The following LGR4 variants were observed in gnomAD, a reference collection of about 807,000 sequenced individuals.
LGR4 encodes the protein leucine-rich repeat-containing G protein-coupled receptor 4.
Under a neutral mutation model 84.8 loss-of-function variants are expected in LGR4, and 44 were observed. The ratio of observed to expected loss-of-function variants is 0.52; its 90% CI spans 0.41 to 0.67. The LOEUF (loss-of-function observed/expected upper bound fraction) is 0.67. Among genes scored for constraint, LGR4 ranks in the 30% least tolerant of loss-of-function variants. LGR4 has a pLI of 0.00. For synonymous variants in LGR4, 429 were observed against 434.3 expected (o/e 0.99, Z 0.15); for missense variants, 1,032 against 1,131.4 (o/e 0.91, Z 1.26).
chr11:27,382,332 A>G lies in LGR4; in HGVS notation c.690-76T>C, dbSNP rs543937241. 2.5e-4 allele frequency: 238 copies of G among 965,112 alleles called. 3 individuals are homozygous for G. Among genetic ancestry groups the G allele is most frequent in the South Asian group, 1.7e-3 (124 of 71,966 alleles). 59.8% of individuals were successfully genotyped at this position (965,112 alleles called of 1,614,324 possible). Reference sequence around the variant, plus strand: ...TTCATAAGGCATTTTGTTACAGACAAGTATTTTTTTAAATCATATCCTCTG... The same window carrying G: ...TTCATAAGGCATTTTGTTACAGACAGGTATTTTTTTAAATCATATCCTCTG... On this transcript the variant is annotated intron_variant, in intron 6 of 17. Coordinates refer to ENST00000379214, the MANE Select transcript of LGR4 (RefSeq NM_018490.5).
chr11:27,383,556 G>C (rs1305578061), intron 6 of LGR4, among the ~76,000 whole-genome samples: 2 of 152,066 alleles, frequency 1.3e-5, no homozygotes, highest in Non-Finnish European at 2.9e-5. Flanking sequence ...AAATAATAGA[G>C]TCCTAAAAGA....
At chr11:27,461,555 G>C (rs1034803379) in intron 1 of LGR4, among the ~76,000 whole-genome samples, 2 of 151,916 alleles carry the variant, frequency 1.3e-5, no homozygotes, top group Non-Finnish European at 2.9e-5. Context: ...CAGGCCCCAT[G>C]CAGCCTAGGA....
intron 1 of LGR4, among the ~76,000 whole-genome samples, chr11:27,467,776 G>A (rs534868532): frequency 1.3e-5 from 2 of 152,114 alleles, no homozygotes; most frequent in Admixed American, 6.5e-5. Flanking sequence ...TTTTTTCCTC[G>A]CTTATATTTA....
Position 27,369,152 on chromosome 11 carries a change from A to C in LGR4, c.1580-9T>G, listed in dbSNP as rs182255585. 4.9e-4 allele frequency: 771 copies of C among 1,571,010 alleles called. 4 individuals carry two copies. In the African/African-American group the frequency reaches 9.4e-3, roughly 19 times the overall value. ...ACAGGGCTTAAAAGCACCTAAAAAA[A>C]ACACACACAGAGAGAGAGAAATAAA... On this transcript the variant is annotated splice_polypyrimidine_tract_variant and intron_variant, in intron 17 of 17. Coordinates refer to ENST00000379214, the MANE Select transcript of LGR4 (RefSeq NM_018490.5).
In LGR4 at chr11:27,458,360, A is replaced by T. The variant is rs541990925; in HGVS notation, c.185+13758T>A. Among the ~76,000 whole-genome samples, 15 of 152,218 alleles carry T rather than the reference A, an allele frequency of 9.9e-5. 1 individual carries two copies. In the South Asian group the frequency reaches 3.1e-3, roughly 32 times the overall value. On this transcript the variant is annotated intron_variant, in intron 1 of 17. Coordinates refer to ENST00000379214, the MANE Select transcript of LGR4 (RefSeq NM_018490.5). ...GTGAAGAGAGGAGATAACTACAGAG[A>T]GGCATGGAAATTCATCAAGTGAAGA...
intron 1 of LGR4, among the ~76,000 whole-genome samples, chr11:27,442,555 T>TA (rs1374472961): frequency 6.6e-6 from 1 of 152,182 alleles, no homozygotes; most frequent in African/African-American, 2.4e-5. Flanking sequence ...GGTAGTGAGT[T>TA]AAATGTTATT....
chr11:27,374,328 C>A (rs2472632), intron 13 of LGR4, among the ~76,000 whole-genome samples: 61,365 of 152,006 alleles, frequency 0.4, 12,677 homozygotes, highest in African/African-American at 0.48. Context: ...CCAATTCAAA[C>A]ATATAAATGA....
In LGR4 at chr11:27,441,931, T is replaced by G. The variant is rs116372720; in HGVS notation, c.186-29071A>C. Among the ~76,000 whole-genome samples, 716 of 152,188 alleles carry G rather than the reference T, an allele frequency of 4.7e-3. 2 individuals carry two copies. Among genetic ancestry groups the G allele is most frequent in the African/African-American group, 0.016 (681 of 41,500 alleles). ...ACAGACAAGCCAGTAGATGACAGTA[T>G]TTGCGAAGGATCAGAACTAAAGGTC... is the stretch of plus-strand genomic sequence containing the variant. On this transcript the variant is annotated intron_variant, in intron 1 of 17. Transcript: ENST00000379214.
chr11:27,472,096 C>A, intron 1 of LGR4, 22 bp downstream of exon 1: 2 of 1,067,590 alleles, frequency 1.9e-6, no homozygotes, highest in South Asian at 5.2e-5. Flanking sequence ...CCCCCCCTCG[C>A]GTCCCCGCCG....
intron 7 of LGR4, among the ~76,000 whole-genome samples, chr11:27,381,566 C>T (rs2133369961): frequency 6.6e-6 from 1 of 152,264 alleles, no homozygotes; most frequent in East Asian, 1.9e-4. Context: ...CCTGCAGTCC[C>T]AGCTACCCAG....
intron 1 of LGR4, among the ~76,000 whole-genome samples, chr11:27,442,627 G>A (rs1048787931): frequency 6.6e-6 from 1 of 152,122 alleles, no homozygotes; most frequent in African/African-American, 2.4e-5. Context: ...AAAGATTACA[G>A]AGCAAAACAG....
intron 2 of LGR4, among the ~76,000 whole-genome samples, chr11:27,404,495 A>G (rs911283277): frequency 6.6e-6 from 1 of 152,164 alleles, no homozygotes; most frequent in Non-Finnish European, 1.5e-5. Context: ...TGTTTCCCAC[A>G]GTATGCCTAG....
intron 2 of LGR4, among the ~76,000 whole-genome samples, chr11:27,400,642 A>G (rs1002031519): frequency 1.3e-5 from 2 of 151,614 alleles, no homozygotes; most frequent in Admixed American, 6.6e-5. Flanking sequence ...AGCTGGGATT[A>G]CAGGCGCCCG....
chr11:27,468,607 A>G (rs868281911), intron 1 of LGR4, among the ~76,000 whole-genome samples: 4 of 152,278 alleles, frequency 2.6e-5, no homozygotes, highest in South Asian at 2.1e-4. Flanking sequence ...TGTAAAAAAT[A>G]TAAAATCATA....
At chr11:27,372,436 A>C in intron 15 of LGR4, 38 bp from the exon 16 acceptor site, 1 of 1,107,542 alleles carries the variant, frequency 9.0e-7, no homozygotes, top group South Asian at 1.2e-5. Flanking sequence ...CTGAACAGCA[A>C]CTCCGCAGTT....
chr11:27,438,663 C>A (rs1329264076), intron 1 of LGR4, among the ~76,000 whole-genome samples: 1 of 152,106 alleles, frequency 6.6e-6, no homozygotes, highest in East Asian at 1.9e-4. Flanking sequence ...GGGCCTCATC[C>A]AATCTGTTGA....
chr11:27,442,337 T>C (rs1474752817), intron 1 of LGR4, among the ~76,000 whole-genome samples: 3 of 152,208 alleles, frequency 2.0e-5, no homozygotes, highest in Non-Finnish European at 4.4e-5. Context: ...AAGAGCCTGA[T>C]AGGCCACAAG....
chr11:27,471,264 T>A (rs1049677814), intron 1 of LGR4, among the ~76,000 whole-genome samples: 1 of 152,248 alleles, frequency 6.6e-6, no homozygotes, highest in African/African-American at 2.4e-5. Flanking sequence ...TCTCTCGATC[T>A]CAGGCAGCTC....
At chr11:27,453,532 TA>T (rs903439131) in intron 1 of LGR4, among the ~76,000 whole-genome samples, 1 of 152,176 alleles carries the variant, frequency 6.6e-6, no homozygotes, top group Admixed American at 6.5e-5. Context: ...TGATGGTATG[TA>T]ACATTACCTG....
Sources: allele counts gnomAD v4.1 joint callset (sites outside exome capture counted in the v4.1 genomes callset), GRCh38; gene constraint gnomAD v4.1.1; transcripts MANE v1.5; gene names NCBI Gene and HGNC (gene_info 2026-07-23, HGNC 2026-07-21).